Variants in NDUFA7 observed in about 807,000 individuals in gnomAD.
The protein encoded by NDUFA7 is NADH:ubiquinone oxidoreductase subunit A7.
Under a neutral mutation model 14.2 loss-of-function variants are expected in NDUFA7, and 18 were observed. The ratio of observed to expected loss-of-function variants is 1.27; its 90% confidence interval spans 0.88 to 1.88. The LOEUF (loss-of-function observed/expected upper bound fraction) is 1.88. Ranked by LOEUF, NDUFA7 falls within the 40% of genes most tolerant of loss-of-function variation. The pLI is 0.00. For missense variants in NDUFA7, 172 were observed against 147.3 expected (o/e 1.17, Z -0.87); for synonymous variants, 75 against 62.1 (o/e 1.21, Z -0.98).
At chr19:8,320,641 A>C (rs1162200004) in intron 2 of NDUFA7, among the ~76,000 whole-genome samples, 1 of 152,108 alleles carries the variant, frequency 6.6e-6, no homozygotes, top group Non-Finnish European at 1.5e-5. Flanking sequence ...ATCTAGCCTG[A>C]TTGCCAGTCA....
chr19:8,311,535 C>T lies in NDUFA7; in HGVS notation c.312G>A (p.Trp104Ter). The T allele has an allele frequency of 6.2e-7, 1 of 1,612,572 alleles. No homozygotes were observed. Among genetic ancestry groups the T allele is most frequent in the Non-Finnish European group, 8.5e-7 (1 of 1,179,312 alleles). Residue 104 changes from tryptophan (W) to a stop codon, truncating the protein, a stop_gained, in exon 4 of 4, where the codon TGG (tryptophan) becomes TGA (stop). Transcript: ENST00000301457. LOFTEE classifies it high-confidence loss of function. ...GGTAAGGCTGGTCCGAGGACAGCTC[C>T]CACCTCTTTATGGGAGGAGCTGGAG... ...AVTPAPPIKRWELSSDQPYL is the reference protein window; with the variant it reads ...AVTPAPPIKR
chr19:8,316,539 T>C lies in NDUFA7; in HGVS notation c.208A>G (p.Met70Val), dbSNP rs950838980. Reference sequence around the variant, plus strand: ...GACACCAGCGCCTTCTGCGACGACATGATGATGGAAGGGGGCACAGATTCC... The same window carrying C: ...GACACCAGCGCCTTCTGCGACGACACGATGATGGAAGGGGGCACAGATTCC... The part of the protein sequence containing the change: ...RRESVPPSII[M>V]SSQKALVSGK... Residue 70 changes from methionine to valine, a missense_variant, in exon 3 of 4, where the codon ATG becomes GTG. Transcript: ENST00000301457. 1.2e-6 allele frequency: 2 copies of C among 1,613,952 alleles called. No homozygotes were observed. The highest frequency in any genetic ancestry group is 1.7e-6 in the Non-Finnish European group (2 of 1,180,002).
intron 1 of NDUFA7, 131 bp from the exon 2 acceptor site, chr19:8,321,037 C>A: frequency 9.3e-7 from 1 of 1,076,522 alleles, no homozygotes; most frequent in South Asian, 1.4e-5. Context: ...CTCGGGGAAA[C>A]GGATGTGGGT....
chr19:8,315,019 C>CA (rs1970217379), intron 3 of NDUFA7, among the ~76,000 whole-genome samples: 1 of 152,180 alleles, frequency 6.6e-6, no homozygotes, highest in African/African-American at 2.4e-5. Context: ...TATGTCAACT[C>CA]AGAGTTAAAT....
At chr19:8,315,255 GC>G (rs1348075259) in intron 3 of NDUFA7, among the ~76,000 whole-genome samples, 2 of 152,148 alleles carry the variant, frequency 1.3e-5, no homozygotes, top group Non-Finnish European at 2.9e-5. Context: ...CCGTCCCCCA[GC>G]CCGACACCGG....
At chr19:8,315,139 C>T (rs1168544982) in intron 3 of NDUFA7, among the ~76,000 whole-genome samples, 1 of 152,188 alleles carries the variant, frequency 6.6e-6, no homozygotes, top group Non-Finnish European at 1.5e-5. Context: ...ACACAAAACA[C>T]CACAGAAGGC....
chr19:8,314,689 A>C (rs1970213553), intron 3 of NDUFA7, among the ~76,000 whole-genome samples: 1 of 152,204 alleles, frequency 6.6e-6, no homozygotes, highest in African/African-American at 2.4e-5. Flanking sequence ...CAACGCGGGC[A>C]GATCATGAGA....
downstream of NDUFA7, among the ~76,000 whole-genome samples, chr19:8,310,974 G>A (rs868593467): frequency 2.2e-4 from 34 of 152,208 alleles, no homozygotes; most frequent in Admixed American, 1.7e-3. Context: ...AGATCGTGCC[G>A]TTGCGTTCCA....
At position 8,321,355 on chromosome 19, in the gene NDUFA7, C is replaced by G. The variant is rs771325213; in HGVS notation, c.4G>C (p.Ala2Pro). The G allele has an allele frequency of 1.3e-6, 2 of 1,574,910 alleles. No individual in the cohort carries two copies. The highest frequency in any genetic ancestry group is 1.7e-6 in the Non-Finnish European group (2 of 1,162,620). ...CGCTGGATGAGACGGGTGGCGGACGCCATCTTCCGTCCGCGATACTGAAGG... is the reference window on the plus strand; with the variant it reads ...CGCTGGATGAGACGGGTGGCGGACGGCATCTTCCGTCCGCGATACTGAAGG... The part of the protein sequence containing the change: M[A>P]SATRLIQRLR... The change falls in exon 1 of 4, where the codon GCG becomes CCG. Residue 2 changes from alanine to proline, a missense_variant. Transcript: ENST00000301457.
At chr19:8,318,631 A>G (rs978561794) in intron 2 of NDUFA7, among the ~76,000 whole-genome samples, 6 of 133,082 alleles carry the variant, frequency 4.5e-5, no homozygotes, top group Non-Finnish European at 7.7e-5. Context: ...GTGCCACTGC[A>G]CTCCAGCCTG....
chr19:8,316,348 G>A (rs958232466), intron 3 of NDUFA7, 148 bp downstream of exon 3: 17 of 1,211,018 alleles, frequency 1.4e-5, no homozygotes, highest in Middle Eastern at 2.8e-4. Context: ...ATGAGCTCTC[G>A]GACAAAAAGC....
downstream of NDUFA7, among the ~76,000 whole-genome samples, chr19:8,309,323 A>C (rs1345107090): frequency 1.3e-5 from 2 of 151,836 alleles, no homozygotes. Context: ...AAAATACAAA[A>C]ATTAGCCGGG....
chr19:8,319,775 G>A (rs1203694392), intron 2 of NDUFA7, among the ~76,000 whole-genome samples: 1 of 151,734 alleles, frequency 6.6e-6, no homozygotes, highest in Non-Finnish European at 1.5e-5. Flanking sequence ...ATCCATACTG[G>A]CCTCCTTCCA....
chr19:8,320,937 G>A, intron 1 of NDUFA7, 31 bp from the exon 2 acceptor site: 2 of 1,613,000 alleles, frequency 1.2e-6, no homozygotes, highest in South Asian at 2.2e-5. Flanking sequence ...AGGTCGGCCT[G>A]CAAGGCACCC....
chr19:8,320,557 G>A (rs1257332403), intron 2 of NDUFA7, among the ~76,000 whole-genome samples: 1 of 152,146 alleles, frequency 6.6e-6, no homozygotes, highest in Non-Finnish European at 1.5e-5. Flanking sequence ...AAATGATTTC[G>A]CCTCTCTGGA....
Position 8,321,366 on chromosome 19 carries a change from C to T in NDUFA7, c.-8G>A. On this transcript the variant is annotated 5_prime_UTR_variant, in exon 1 of 4. Coordinates refer to ENST00000301457, the MANE Select transcript of NDUFA7 (RefSeq NM_005001.5). ...ACGGGTGGCGGACGCCATCTTCCGT[C>T]CGCGATACTGAAGGGCGCAGCCGGT... 1.3e-6 allele frequency: 2 copies of T among 1,571,976 alleles called. No individual in the cohort carries two copies. The highest frequency in any genetic ancestry group is 1.7e-6 in the Non-Finnish European group (2 of 1,160,936).
chr19:8,311,998 C>T (rs1970183878), intron 3 of NDUFA7, among the ~76,000 whole-genome samples: 1 of 152,244 alleles, frequency 6.6e-6, no homozygotes. Flanking sequence ...GCTATTCCTG[C>T]CTCAGACTGG....
At chr19:8,316,931 A>G (rs1599631858) in intron 2 of NDUFA7, 1 of 291,628 alleles carries the variant, frequency 3.4e-6, no homozygotes, top group Non-Finnish European at 6.5e-6. Flanking sequence ...TGAGGCTCCC[A>G]AGGCCCGGGA....
intron 3 of NDUFA7, among the ~76,000 whole-genome samples, chr19:8,315,478 T>C (rs1005265115): frequency 2.0e-5 from 3 of 152,148 alleles, no homozygotes; most frequent in Admixed American, 6.6e-5. Flanking sequence ...CCTTAAGGCA[T>C]TGAGATGTTT....
Sources: gnomAD v4.1 joint callset for allele counts (sites outside exome capture counted in the v4.1 genomes callset) on GRCh38, gnomAD v4.1.1 for gene constraint, MANE v1.5 for transcripts, NCBI Gene and HGNC (gene_info 2026-07-23, HGNC 2026-07-21) for gene names.